The following TRRAP variants were observed in gnomAD, a reference collection of about 807,000 sequenced individuals.
TRRAP encodes the protein transformation/transcription domain associated protein, also known as transformation/transcription domain-associated protein.
A neutral mutation model predicts 438.8 loss-of-function variants in TRRAP; 41 were observed. The observed-to-expected ratio is 0.09, with a 90% CI of 0.07 to 0.12. The LOEUF is 0.12. Ranked by LOEUF, TRRAP falls within the 10% of genes least tolerant of loss-of-function variation. TRRAP has a pLI of 1.00. For synonymous variants in TRRAP, 1,994 were observed against 1,962.9 expected, an observed-to-expected ratio of 1.02 and a Z score of -0.42; for missense variants, 3,122 against 5,055.1, an observed-to-expected ratio of 0.62 and a Z score of 11.60.
At position 99,012,502 on chromosome 7, in the gene TRRAP, G is replaced by A; in HGVS notation, c.*147G>A. 2 of 976,916 alleles carry A rather than the reference G, an allele frequency of 2.0e-6. No individual in the cohort carries two copies. The highest frequency in any genetic ancestry group is 1.5e-6 in the Non-Finnish European group (1 of 680,764). 60.5% of individuals were successfully genotyped at this position (976,916 alleles called of 1,614,324 possible). A position where few individuals can be genotyped will look rare whatever the true frequency, so the allele number is the denominator to read the frequency against. Reference sequence around the variant, plus strand: ...CGGTTATTTTCCTGGTAGTTTGCGTGTAAGAAAGGGAGAATATAGTTTTAG... The same window carrying A: ...CGGTTATTTTCCTGGTAGTTTGCGTATAAGAAAGGGAGAATATAGTTTTAG... On this transcript the variant is annotated 3_prime_UTR_variant, in exon 73 of 73. Transcript: ENST00000456197. This position sits in a 1 kb window ranked among gnomAD's most constrained non-coding sequence, Gnocchi z 5.9.
intron 40 of TRRAP, 69 bp from the exon 41 acceptor site, chr7:98,955,029 A>C: frequency 6.7e-7 from 1 of 1,501,174 alleles, no homozygotes; most frequent in Non-Finnish European, 9.1e-7. Flanking sequence ...TCTTGACACC[A>C]AGGGATTGTC....
intron 4 of TRRAP, among the ~76,000 whole-genome samples, chr7:98,891,192 C>CGTAT (rs1795952027): frequency 1.5e-5 from 1 of 66,888 alleles, no homozygotes; most frequent in Admixed American, 1.8e-4. Context: ...AGAAATAGTC[C>CGTAT]ATATATATAT....
At chr7:99,010,076 T>G (rs983632967) in intron 70 of TRRAP, among the ~76,000 whole-genome samples, 1 of 151,926 alleles carries the variant, frequency 6.6e-6, no homozygotes, top group Non-Finnish European at 1.5e-5. Context: ...TTAGGAGAGA[T>G]GGGGTTTCAC....
chr7:98,967,191 A>G, intron 50 of TRRAP, 29 bp downstream of exon 50: 2 of 1,604,522 alleles, frequency 1.2e-6, no homozygotes, highest in East Asian at 2.2e-5. Flanking sequence ...CAAGTACTAC[A>G]TATATTGGTC....
At chr7:99,000,507 G>A (rs982169825) in intron 67 of TRRAP, among the ~76,000 whole-genome samples, 2 of 152,248 alleles carry the variant, frequency 1.3e-5, no homozygotes, top group Non-Finnish European at 2.9e-5. Flanking sequence ...CCTCCAGCCT[G>A]CGAAACTCTT....
At chr7:98,965,655 G>T (rs371437139) in intron 48 of TRRAP, 41 bp from the exon 49 acceptor site, 1 of 1,611,782 alleles carries the variant, frequency 6.2e-7, no homozygotes, top group Admixed American at 1.7e-5. Flanking sequence ...TTAAATCAAC[G>T]TTTAGAGACC....
At chr7:98,918,778 A>T (rs1789648133) in intron 20 of TRRAP, among the ~76,000 whole-genome samples, 1 of 152,120 alleles carries the variant, frequency 6.6e-6, no homozygotes, top group South Asian at 2.1e-4. Context: ...TATGTTGGCC[A>T]GGCACTGTGG....
intron 7 of TRRAP, among the ~76,000 whole-genome samples, chr7:98,896,483 C>T (rs1295096347): frequency 1.3e-5 from 2 of 152,032 alleles, no homozygotes; most frequent in Non-Finnish European, 2.9e-5. Flanking sequence ...GATCTCTGCT[C>T]ACCGCAGCCT....
chr7:98,880,269 T>TTTTTG (rs1334940802), intron 1 of TRRAP, among the ~76,000 whole-genome samples: 22 of 148,956 alleles, frequency 1.5e-4, no homozygotes, highest in Non-Finnish European at 2.5e-4. Context: ...GTTGTTTTTT[T>TTTTTG]TTTTTTTTTT....
chr7:98,931,761 G>A (rs1790335883), intron 26 of TRRAP, 96 bp downstream of exon 26: 1 of 1,522,296 alleles, frequency 6.6e-7, no homozygotes, highest in Non-Finnish European at 8.8e-7. Flanking sequence ...TTATAATTTT[G>A]TGTCTTGGTA....
At chr7:98,926,263 C>T (rs1554411527) in intron 22 of TRRAP, among the ~76,000 whole-genome samples, 1 of 151,972 alleles carries the variant, frequency 6.6e-6, no homozygotes. Flanking sequence ...AAAAATTAAA[C>T]AGTGTGCAGA....
Position 98,908,662 on chromosome 7 carries a change from T to C in TRRAP, c.1116-66T>C. ...GTTCCTGGGGCAGATGGTGATATCC[T>C]TGGTGGCCTGCTGCAGCAGGCATGG... On this transcript the variant is annotated intron_variant, in intron 13 of 72. Transcript: ENST00000456197. This position sits in a 1 kb window ranked among gnomAD's most constrained non-coding sequence, Gnocchi z 4.1. 6.9e-7 allele frequency: 1 copy of C among 1,445,846 alleles called. No individual in the cohort carries two copies. Among genetic ancestry groups the C allele is most frequent in the Non-Finnish European group, 9.4e-7 (1 of 1,067,718 alleles). 89.6% of individuals were successfully genotyped at this position (1,445,846 alleles called of 1,614,324 possible).
chr7:98,918,175 A>G (rs1789603863), intron 20 of TRRAP, among the ~76,000 whole-genome samples: 1 of 148,732 alleles, frequency 6.7e-6, no homozygotes, highest in Non-Finnish European at 1.5e-5. Context: ...CTGAATGGAC[A>G]TTATTTTGCA....
chr7:98,961,147 A>G, intron 45 of TRRAP, 114 bp from the exon 46 acceptor site: 2 of 922,370 alleles, frequency 2.2e-6, no homozygotes, highest in Non-Finnish European at 3.4e-6. Context: ...GGTTTTTTTT[A>G]CTTAGTCTCC....
chr7:98,935,747 A>G, intron 28 of TRRAP, 72 bp downstream of exon 28: 4 of 1,287,434 alleles, frequency 3.1e-6, no homozygotes, highest in Non-Finnish European at 4.2e-6. Flanking sequence ...AGAAAAAAAA[A>G]GTGGCCTTTT....
chr7:98,946,098 T>C (rs1791044796), intron 33 of TRRAP, 148 bp downstream of exon 33: 3 of 784,940 alleles, frequency 3.8e-6, no homozygotes, highest in Middle Eastern at 4.7e-4. Flanking sequence ...GGCAGAGTTG[T>C]ATCAGTATCA....
chr7:98,966,955 G>A (rs978274078), intron 49 of TRRAP, 86 bp from the exon 50 acceptor site: 19 of 1,418,586 alleles, frequency 1.3e-5, no homozygotes, highest in Admixed American at 2.2e-5. Context: ...GTCTTATTGT[G>A]CTTGATAAAA....
intron 13 of TRRAP, among the ~76,000 whole-genome samples, chr7:98,907,452 T>G (rs2116390857): frequency 6.6e-6 from 1 of 152,350 alleles, no homozygotes; most frequent in East Asian, 1.9e-4. Flanking sequence ...GTGATGGATC[T>G]TTTAAAAAAT....
chr7:98,997,238 G>A (rs926806716), intron 67 of TRRAP, among the ~76,000 whole-genome samples: 6 of 151,812 alleles, frequency 4.0e-5, no homozygotes, highest in African/African-American at 4.8e-5. Flanking sequence ...CTTGGGAGAC[G>A]GAGGTTGCAG....
Sources: allele counts gnomAD v4.1 joint callset (sites outside exome capture counted in the v4.1 genomes callset), GRCh38; gene constraint gnomAD v4.1.1; non-coding constraint Gnocchi (gnomAD v3.1); transcripts MANE v1.5; gene names NCBI Gene and HGNC (gene_info 2026-07-23, HGNC 2026-07-21).